The following CATSPERB variants were observed in gnomAD, a reference collection of about 807,000 sequenced individuals.
CATSPERB encodes cation channel sperm-associated auxiliary subunit beta.
In CATSPERB, 93 loss-of-function variants were observed where a neutral mutation model predicts 128.3. The observed-to-expected ratio is 0.72, with a 90% CI of 0.61 to 0.86. The LOEUF (loss-of-function observed/expected upper bound fraction) is 0.86. Ranked by LOEUF, CATSPERB falls within the 40% of genes least tolerant of loss-of-function variation. CATSPERB has a pLI of 0.00. For synonymous variants in CATSPERB, 381 were observed against 448.8 expected, an observed-to-expected ratio of 0.85 and a Z score of 1.91; for missense variants, 1,153 against 1,329.5, an observed-to-expected ratio of 0.87 and a Z score of 2.06.
In CATSPERB at chr14:91,609,881, G is replaced by C. The variant is rs554364962; in HGVS notation, c.2598+599C>G. 4.6e-5 allele frequency among the ~76,000 whole-genome samples: 7 copies of C among 151,910 alleles called. 1 individual carries two copies. In the South Asian group the frequency reaches 6.3e-4, roughly 14 times the overall value. ...GATTACAGGCGCGTGCCACCGTGCCGGGCTAATTTTTGTATTTTTTGTAGA... is the reference window on the plus strand; with the variant it reads ...GATTACAGGCGCGTGCCACCGTGCCCGGCTAATTTTTGTATTTTTTGTAGA... On this transcript the variant is annotated intron_variant, in intron 21 of 26. Transcript: ENST00000256343.
chr14:91,684,702 C>T (rs1049339696), intron 10 of CATSPERB, among the ~76,000 whole-genome samples: 1 of 150,864 alleles, frequency 6.6e-6, no homozygotes, highest in Non-Finnish European at 1.5e-5. Context: ...ACAAACTCCA[C>T]CTCTCAGGTT....
chr14:91,619,809 A>G (rs888386972), intron 19 of CATSPERB, among the ~76,000 whole-genome samples: 1 of 151,952 alleles, frequency 6.6e-6, no homozygotes. Flanking sequence ...CCTGGGTCAT[A>G]AAAGTATTCC....
chr14:91,690,741 G>GTGGGTATATGTGCACA (rs1446245143), intron 10 of CATSPERB, among the ~76,000 whole-genome samples: 1 of 152,250 alleles, frequency 6.6e-6, no homozygotes, highest in African/African-American at 2.4e-5. Context: ...CAGTGTGAAT[G>GTGGGTATATGTGCACA]TGGGTATATG....
At chr14:91,678,692 T>C (rs146280789) in intron 11 of CATSPERB, among the ~76,000 whole-genome samples, 26 of 152,076 alleles carry the variant, frequency 1.7e-4, no homozygotes, top group African/African-American at 5.8e-4. Flanking sequence ...TGTCTGAGTT[T>C]ACTGATTAGA....
At chr14:91,708,860 AC>A (rs1487355557) in intron 5 of CATSPERB, among the ~76,000 whole-genome samples, 4 of 152,266 alleles carry the variant, frequency 2.6e-5, no homozygotes, top group African/African-American at 9.6e-5. Context: ...GTTATTTATA[AC>A]AAACTTATTT....
intron 9 of CATSPERB, among the ~76,000 whole-genome samples, chr14:91,692,359 C>T (rs1021074394): frequency 6.6e-6 from 1 of 152,084 alleles, no homozygotes; most frequent in Non-Finnish European, 1.5e-5. Flanking sequence ...CTTCTCTGCA[C>T]TTTGATTTTA....
Position 91,617,595 on chromosome 14 carries a change from ACCT to A in CATSPERB, c.2399_2400+1del. 6.4e-7 allele frequency: 1 copy of A among 1,573,792 alleles called. No individual in the cohort carries two copies. ...ATGTTTTGTAAATGAAGAAAATCCT[ACCT>A]GATGTAAAACTTTGCTAGCTGCAGA... On this transcript the variant is annotated splice_donor_variant and coding_sequence_variant, in exon 20 of 27. Coordinates refer to ENST00000256343, the MANE Select transcript of CATSPERB (RefSeq NM_024764.4). LOFTEE classifies it high-confidence loss of function.
intron 7 of CATSPERB, 71 bp downstream of exon 7, chr14:91,704,481 C>T: frequency 3.4e-6 from 5 of 1,461,448 alleles, no homozygotes; most frequent in Non-Finnish European, 4.6e-6. Context: ...TTTATTTCTG[C>T]TGCCAGTTAA....
chr14:91,668,859 A>C (rs8015906), intron 14 of CATSPERB, among the ~76,000 whole-genome samples: 61,103 of 151,888 alleles, frequency 0.4, 12,425 homozygotes, highest in Middle Eastern at 0.55. Context: ...TCTAAAGGGA[A>C]AAACTCTGGA....
At chr14:91,605,044 TG>T in intron 22 of CATSPERB, 1 of 1,192,044 alleles carries the variant, frequency 8.4e-7, no homozygotes, top group Non-Finnish European at 1.3e-6. Context: ...GTTTCTTGAA[TG>T]GGACCTTGTC....
intron 20 of CATSPERB, among the ~76,000 whole-genome samples, chr14:91,611,203 C>G (rs896799490): frequency 1.3e-5 from 2 of 152,066 alleles, no homozygotes; most frequent in African/African-American, 4.8e-5. Flanking sequence ...AATATTTGAC[C>G]ATAAAGATCT....
At chr14:91,689,591 T>A (rs1242737997) in intron 10 of CATSPERB, among the ~76,000 whole-genome samples, 1 of 152,204 alleles carries the variant, frequency 6.6e-6, no homozygotes, top group Non-Finnish European at 1.5e-5. Context: ...TTCCACTTAT[T>A]GTAATTGCTG....
Position 91,608,419 on chromosome 14 carries a change from AC to A in CATSPERB, c.2599-16del, listed in dbSNP as rs1343874059. 7.4e-7 allele frequency: 1 copy of A among 1,347,326 alleles called. No individual in the cohort carries two copies. The highest frequency in any genetic ancestry group is 1.1e-6 in the Non-Finnish European group (1 of 941,814). The allele number at this position is 1,347,326 out of a possible 1,614,324, so 83.5% of individuals were successfully genotyped here. Reference sequence around the variant, plus strand: ...CTGTAGTTTATCTGCAAGTGATTAAACAAAGAAAATGTACAATTCATTATTA... The same window carrying A: ...CTGTAGTTTATCTGCAAGTGATTAAAAAAGAAAATGTACAATTCATTATTA... On this transcript the variant is annotated splice_polypyrimidine_tract_variant and intron_variant, in intron 21 of 26. Transcript: ENST00000256343.
rs537133613 is a variant in CATSPERB, at chr14:91,683,796, C to T, written c.931+81G>A. 19 of 887,852 alleles carry T rather than the reference C, an allele frequency of 2.1e-5. No homozygotes were observed. In the East Asian group the frequency reaches 5.1e-4, roughly 24 times the overall value. The allele number at this position is 887,852 out of a possible 1,614,324, so 55.0% of individuals were successfully genotyped here. A position where few individuals can be genotyped will look rare whatever the true frequency, so the allele number is the denominator to read the frequency against. ...AAAGTTTGGAATGGTCTTAAAAGAC[C>T]ATTCCAAAGGCTGAGCTTGCATTCA... is the stretch of plus-strand genomic sequence containing the variant. On this transcript the variant is annotated intron_variant, in intron 11 of 26. Transcript: ENST00000256343.
At chr14:91,721,251 T>C (rs890171521) in intron 4 of CATSPERB, among the ~76,000 whole-genome samples, 3 of 152,324 alleles carry the variant, frequency 2.0e-5, no homozygotes, top group African/African-American at 4.8e-5. Context: ...GAAAAACTTC[T>C]GTGTATCAAA....
chr14:91,676,460 T>G (rs1204657697), intron 11 of CATSPERB, among the ~76,000 whole-genome samples: 5 of 152,252 alleles, frequency 3.3e-5, no homozygotes, highest in East Asian at 3.9e-4. Context: ...CAAAAAAAAT[T>G]CAGAGCTCAC....
chr14:91,610,382 A>C (rs955234914), intron 21 of CATSPERB, 98 bp downstream of exon 21: 8 of 878,256 alleles, frequency 9.1e-6, no homozygotes, highest in Non-Finnish European at 1.4e-5. Flanking sequence ...GTTTTGAGCC[A>C]CTCACAAAAG....
At chr14:91,624,030 T>C (rs546589516) in intron 18 of CATSPERB, among the ~76,000 whole-genome samples, 47 of 152,310 alleles carry the variant, frequency 3.1e-4, no homozygotes, top group African/African-American at 9.1e-4. Flanking sequence ...AATGAAGTTA[T>C]AGCTATATTT....
intron 22 of CATSPERB, among the ~76,000 whole-genome samples, chr14:91,601,494 T>C (rs2139768763): frequency 6.6e-6 from 1 of 152,216 alleles, no homozygotes; most frequent in South Asian, 2.1e-4. Context: ...TAAATTTTGG[T>C]TGGTGTTTAC....
Sources: allele counts gnomAD v4.1 joint callset (sites outside exome capture counted in the v4.1 genomes callset), GRCh38; gene constraint gnomAD v4.1.1; transcripts MANE v1.5; gene names NCBI Gene and HGNC (gene_info 2026-07-23, HGNC 2026-07-21).